BBS9: variants seen among roughly 807,000 people sequenced by gnomAD.
BBS9 encodes Bardet-Biedl syndrome 9, also known as protein PTHB1.
BBS9 carries 89 observed loss-of-function variants against 117.7 expected under a neutral mutation model. The observed-to-expected ratio is 0.76, with a 90% CI of 0.64 to 0.90. The LOEUF (loss-of-function observed/expected upper bound fraction) is 0.90. BBS9 is among the 40% of genes least tolerant of loss of function. The pLI is 0.00. For missense variants in BBS9, 982 were observed against 1,042.2 expected (o/e 0.94, Z 0.80); for synonymous variants, 379 against 370.9 (o/e 1.02, Z -0.25).
intron 17 of BBS9, among the ~76,000 whole-genome samples, chr7:33,383,006 T>C (rs1378057553): frequency 6.6e-6 from 1 of 152,230 alleles, no homozygotes; most frequent in African/African-American, 2.4e-5. Flanking sequence ...GTTCTTATCA[T>C]AGGTGTTATT....
At chr7:33,624,070 G>A (rs1271630559) in intron 21 of BBS9, among the ~76,000 whole-genome samples, 2 of 151,836 alleles carry the variant, frequency 1.3e-5, no homozygotes, top group East Asian at 1.9e-4. Flanking sequence ...AAAACGACAT[G>A]CCTCTAATTT....
At chr7:33,571,926 C>T (rs1425665595) in intron 21 of BBS9, among the ~76,000 whole-genome samples, 1 of 151,962 alleles carries the variant, frequency 6.6e-6, no homozygotes, top group Non-Finnish European at 1.5e-5. Context: ...TTTATCATTT[C>T]TTTGTGTTAG....
At position 33,236,522 on chromosome 7, in the gene BBS9, AC is replaced by A. The variant is rs531651382; in HGVS notation, c.443-20713del. ...TTATAAGCTTTTCCCCTTACAATAT[AC>A]TATGCCTGTCTTTCTATGGCAATAT... On this transcript the variant is annotated intron_variant, in intron 5 of 22. Coordinates refer to ENST00000242067, the MANE Select transcript of BBS9 (RefSeq NM_198428.3). Among the ~76,000 whole-genome samples, 1,117 of 151,860 alleles carry A rather than the reference AC, an allele frequency of 7.4e-3. 10 individuals are homozygous for A. Among genetic ancestry groups the A allele is most frequent in the African/African-American group, 0.025 (1,045 of 41,506 alleles).
At chr7:33,274,337 A>G (rs1476802848) in intron 9 of BBS9, among the ~76,000 whole-genome samples, 2 of 152,198 alleles carry the variant, frequency 1.3e-5, no homozygotes, top group Non-Finnish European at 2.9e-5. Context: ...TCATTATAAT[A>G]AGTTCTCACC....
chr7:33,555,503 T>G (rs1329679619), intron 21 of BBS9, among the ~76,000 whole-genome samples: 1 of 152,280 alleles, frequency 6.6e-6, no homozygotes, highest in East Asian at 1.9e-4. Flanking sequence ...CAAGAGATGA[T>G]GGAGGCTCAG....
intron 10 of BBS9, among the ~76,000 whole-genome samples, chr7:33,337,155 T>C (rs1440989724): frequency 6.6e-6 from 1 of 152,176 alleles, no homozygotes; most frequent in Non-Finnish European, 1.5e-5. Flanking sequence ...CAGAGGCTGA[T>C]GATATTTTCA....
At chr7:33,385,902 T>C (rs899249233) in intron 18 of BBS9, among the ~76,000 whole-genome samples, 1 of 152,164 alleles carries the variant, frequency 6.6e-6, no homozygotes, top group African/African-American at 2.4e-5. Context: ...GAATATTCTT[T>C]GATTTAATTA....
At chr7:33,507,507 G>T (rs1347886410) in intron 20 of BBS9, among the ~76,000 whole-genome samples, 1 of 152,180 alleles carries the variant, frequency 6.6e-6, no homozygotes, top group Non-Finnish European at 1.5e-5. Context: ...GCCTCCCAAA[G>T]TGCTGGGATT....
intron 9 of BBS9, chr7:33,276,926 A>G (rs1341334750): frequency 5.2e-6 from 1 of 190,636 alleles, no homozygotes; most frequent in Non-Finnish European, 1.2e-5. Context: ...ATGGGCCACA[A>G]GAGGGTGGAA....
At chr7:33,308,438 A>G (rs899689568) in intron 9 of BBS9, among the ~76,000 whole-genome samples, 3 of 152,222 alleles carry the variant, frequency 2.0e-5, no homozygotes, top group African/African-American at 7.2e-5. Flanking sequence ...ATTAGAAATT[A>G]CAGAGTTTCT....
chr7:33,433,844 A>G (rs1344878517), intron 19 of BBS9, among the ~76,000 whole-genome samples: 2 of 152,096 alleles, frequency 1.3e-5, no homozygotes, highest in Admixed American at 1.3e-4. Context: ...TAAAACTTAG[A>G]ACTGTATAAG....
At chr7:33,518,245 CTTT>C (rs747829401) in intron 20 of BBS9, among the ~76,000 whole-genome samples, 44 of 93,922 alleles carry the variant, frequency 4.7e-4, no homozygotes, top group East Asian at 1.5e-3. Context: ...TGTATATATT[CTTT>C]TTTTTTTTTT....
chr7:33,333,936 T>C (rs1814706656), intron 9 of BBS9, among the ~76,000 whole-genome samples: 1 of 147,152 alleles, frequency 6.8e-6, no homozygotes, highest in Non-Finnish European at 1.5e-5. Flanking sequence ...CAATTGATTT[T>C]TTAAAAAGTA....
intron 21 of BBS9, among the ~76,000 whole-genome samples, chr7:33,554,222 G>A (rs567982117): frequency 2.0e-5 from 3 of 152,196 alleles, no homozygotes; most frequent in East Asian, 3.9e-4. Context: ...CCTATGAGTA[G>A]TAGGAAGCCA....
intron 9 of BBS9, among the ~76,000 whole-genome samples, chr7:33,319,191 T>C (rs927493356): frequency 1.3e-5 from 2 of 152,008 alleles, no homozygotes; most frequent in African/African-American, 4.8e-5. Flanking sequence ...TAATAGTCTC[T>C]AGTTCCATCC....
chr7:33,616,611 G>A (rs968800333), intron 21 of BBS9, among the ~76,000 whole-genome samples: 1 of 150,814 alleles, frequency 6.6e-6, no homozygotes, highest in Non-Finnish European at 1.5e-5. Context: ...AAAATGGGGG[G>A]TGGGCAAGAA....
rs1796406250 is a variant in BBS9, at chr7:33,170,651, G to T, written c.329-6827G>T. 4.6e-5 allele frequency among the ~76,000 whole-genome samples: 7 copies of T among 151,570 alleles called. No homozygotes were observed. The South Asian group carries it at 1.5e-3, about 32-fold the overall frequency. On this transcript the variant is annotated intron_variant, in intron 4 of 22. Coordinates refer to ENST00000242067, the MANE Select transcript of BBS9 (RefSeq NM_198428.3). Reference sequence around the variant, plus strand: ...TAAAGGGTATTCAATTAGGAAAAAAGGAAGTCAAATTGTCCCTGTTTGCGG... The same window carrying T: ...TAAAGGGTATTCAATTAGGAAAAAATGAAGTCAAATTGTCCCTGTTTGCGG...
At chr7:33,559,821 C>T (rs974749173) in intron 21 of BBS9, among the ~76,000 whole-genome samples, 2 of 152,104 alleles carry the variant, frequency 1.3e-5, no homozygotes, top group Non-Finnish European at 2.9e-5. Flanking sequence ...TACTTGCCAC[C>T]AGCAATTATG....
At chr7:33,629,445 G>A (rs892453734) in intron 21 of BBS9, among the ~76,000 whole-genome samples, 6 of 152,078 alleles carry the variant, frequency 3.9e-5, no homozygotes, top group African/African-American at 7.2e-5. Context: ...GGATAGACTT[G>A]GGTGGCAAAC....
Sources: allele counts gnomAD v4.1 joint callset (sites outside exome capture counted in the v4.1 genomes callset), GRCh38; gene constraint gnomAD v4.1.1; transcripts MANE v1.5; gene names NCBI Gene and HGNC (gene_info 2026-07-23, HGNC 2026-07-21).